Variants in KCNIP1 observed in about 807,000 individuals in gnomAD.
The protein encoded by KCNIP1 is potassium voltage-gated channel interacting protein 1.
A neutral mutation model predicts 33.0 loss-of-function variants in KCNIP1; 18 were observed. The observed-to-expected ratio is 0.55, with a 90% CI of 0.38 to 0.81. The LOEUF (loss-of-function observed/expected upper bound fraction) is 0.81. KCNIP1 is among the 30% of genes least tolerant of loss of function. The pLI, the probability that KCNIP1 is intolerant of heterozygous loss-of-function variation, is 0.00. For synonymous variants in KCNIP1, 93 were observed against 98.3 expected, an observed-to-expected ratio of 0.95 and a Z score of 0.32; for missense variants, 238 against 271.6, an observed-to-expected ratio of 0.88 and a Z score of 0.87.
chr5:170,483,057 C>T (rs531270758), intron 1 of KCNIP1: 6 of 454,620 alleles, frequency 1.3e-5, no homozygotes, highest in East Asian at 1.4e-4. Flanking sequence ...TTTCCAAGGA[C>T]AGATGGAGTC....
At chr5:170,518,868 C>T (rs912364551) in intron 1 of KCNIP1, among the ~76,000 whole-genome samples, 3 of 152,162 alleles carry the variant, frequency 2.0e-5, no homozygotes, top group Non-Finnish European at 4.4e-5. Context: ...AAGCCTCCCT[C>T]CTCAGTGACC....
At chr5:170,509,700 G>T (rs1453201385) in intron 1 of KCNIP1, among the ~76,000 whole-genome samples, 3 of 152,202 alleles carry the variant, frequency 2.0e-5, no homozygotes, top group Admixed American at 2.0e-4. Context: ...ATGATGAAGT[G>T]CCAGAACAGC....
At chr5:170,547,552 A>T (rs9637851) in intron 1 of KCNIP1, among the ~76,000 whole-genome samples, 1 of 151,874 alleles carries the variant, frequency 6.6e-6, no homozygotes, top group Non-Finnish European at 1.5e-5. Flanking sequence ...GGGCCCCAGT[A>T]TGCATTGTTC....
Position 170,690,629 on chromosome 5 carries a change from G to A in KCNIP1, c.62-28129G>A, listed in dbSNP as rs72836202. Reference sequence around the variant, plus strand: ...AACTCTGGGGCACCCTCACTTCCACGTCACATGATTAGGAAAAGGGCCCAG... The same window carrying A: ...AACTCTGGGGCACCCTCACTTCCACATCACATGATTAGGAAAAGGGCCCAG... On this transcript the variant is annotated intron_variant, in intron 1 of 7. Coordinates refer to ENST00000328939, the MANE Select transcript of KCNIP1 (RefSeq NM_014592.4). Among the ~76,000 whole-genome samples, 1,476 of 152,296 alleles carry A rather than the reference G, an allele frequency of 9.7e-3. 10 individuals are homozygous for A. The highest frequency in any genetic ancestry group is 0.015 in the Non-Finnish European group (1,048 of 68,028).
At chr5:170,367,395 AAG>A in intron 1 of KCNIP1, among the ~76,000 whole-genome samples, 1 of 131,054 alleles carries the variant, frequency 7.6e-6, no homozygotes, top group African/African-American at 3.1e-5. Flanking sequence ...GAAAGAAAGA[AAG>A]AAAGAAAGAA....
chr5:170,446,521 G>C (rs1205582267), intron 1 of KCNIP1, among the ~76,000 whole-genome samples: 1 of 151,992 alleles, frequency 6.6e-6, no homozygotes, highest in Non-Finnish European at 1.5e-5. Flanking sequence ...AAAGTACATT[G>C]GTGCAATCAT....
At chr5:170,583,652 C>G (rs1733796403) in intron 1 of KCNIP1, among the ~76,000 whole-genome samples, 2 of 152,204 alleles carry the variant, frequency 1.3e-5, no homozygotes, top group Non-Finnish European at 2.9e-5. Context: ...AGTTTAGGCT[C>G]TTGAGGCTCA....
At chr5:170,486,213 G>A (rs2113185386) in intron 1 of KCNIP1, 2 of 152,318 alleles carry the variant, frequency 1.3e-5, no homozygotes, top group South Asian at 2.1e-4. Context: ...AGCCGGAGGT[G>A]GGGACAACGT....
At chr5:170,414,360 T>C (rs949598780) in intron 1 of KCNIP1, among the ~76,000 whole-genome samples, 4 of 152,198 alleles carry the variant, frequency 2.6e-5, no homozygotes, top group African/African-American at 7.2e-5. Context: ...CTATAGCAAG[T>C]AGAGATGTAA....
chr5:170,458,267 A>C (rs1023147845), intron 1 of KCNIP1, among the ~76,000 whole-genome samples: 3 of 152,240 alleles, frequency 2.0e-5, no homozygotes, highest in Non-Finnish European at 4.4e-5. Context: ...AGTTTGGAAA[A>C]CATATTCGGG....
intron 1 of KCNIP1, among the ~76,000 whole-genome samples, chr5:170,465,126 T>C (rs1756582189): frequency 6.6e-6 from 1 of 152,196 alleles, no homozygotes; most frequent in Non-Finnish European, 1.5e-5. Context: ...TGGAGAGAGA[T>C]GCAGACACCC....
At chr5:170,568,248 A>G (rs962047691) in intron 1 of KCNIP1, among the ~76,000 whole-genome samples, 1 of 152,172 alleles carries the variant, frequency 6.6e-6, no homozygotes, top group Non-Finnish European at 1.5e-5. Flanking sequence ...AGAATCCTTC[A>G]TGCATCCAGC....
At chr5:170,436,456 C>T (rs889705675) in intron 1 of KCNIP1, among the ~76,000 whole-genome samples, 2 of 152,162 alleles carry the variant, frequency 1.3e-5, no homozygotes, top group Non-Finnish European at 1.5e-5. Context: ...AGAATGAAGG[C>T]GATCGCCCAT....
At chr5:170,630,296 G>A (rs1471478523) in intron 1 of KCNIP1, among the ~76,000 whole-genome samples, 1 of 152,268 alleles carries the variant, frequency 6.6e-6, no homozygotes, top group Non-Finnish European at 1.5e-5. Flanking sequence ...AGGCAGCCAA[G>A]TGGGCAGCAC....
intron 1 of KCNIP1, among the ~76,000 whole-genome samples, chr5:170,667,724 C>T (rs1282853208): frequency 1.3e-5 from 2 of 152,322 alleles, no homozygotes; most frequent in East Asian, 3.9e-4. Context: ...GTAAGGATAA[C>T]AATATTGACT....
intron 1 of KCNIP1, among the ~76,000 whole-genome samples, chr5:170,528,103 A>C (rs946864604): frequency 1.3e-5 from 2 of 152,192 alleles, no homozygotes; most frequent in African/African-American, 4.8e-5. Flanking sequence ...GTAGGAGCTC[A>C]AATGAGTTTT....
intron 1 of KCNIP1, among the ~76,000 whole-genome samples, chr5:170,518,110 GGTGGTGATGGTGGCA>G (rs1278596614): frequency 1.3e-5 from 2 of 152,052 alleles, no homozygotes; most frequent in Non-Finnish European, 2.9e-5. Flanking sequence ...TGTGATGAAA[GGTGGTGATGGTGGCA>G]GTGGTGATGA....
chr5:170,573,863 A>T (rs572485671), intron 1 of KCNIP1, among the ~76,000 whole-genome samples: 1 of 152,330 alleles, frequency 6.6e-6, no homozygotes, highest in Admixed American at 6.5e-5. Context: ...AAAGTTGGAC[A>T]ATTCCTGACC....
At chr5:170,364,651 C>T (rs560920196) in intron 1 of KCNIP1, among the ~76,000 whole-genome samples, 4 of 152,298 alleles carry the variant, frequency 2.6e-5, no homozygotes, top group South Asian at 2.1e-4. Flanking sequence ...TCCCCTCCTG[C>T]GGTTGCCGTC....
Sources: gnomAD v4.1 joint callset for allele counts (sites outside exome capture counted in the v4.1 genomes callset) on GRCh38, gnomAD v4.1.1 for gene constraint, MANE v1.5 for transcripts, NCBI Gene and HGNC (gene_info 2026-07-23, HGNC 2026-07-21) for gene names.